Variants in SMCO2 observed in about 807,000 individuals in gnomAD.
The protein encoded by SMCO2 is single-pass membrane protein with coiled-coil domains 2, also known as single-pass membrane and coiled-coil domain-containing protein 2.
In SMCO2, 25 loss-of-function variants were observed where a neutral mutation model predicts 29.5. The observed-to-expected ratio is 0.85, with a 90% CI of 0.62 to 1.18. The LOEUF is 1.18. Ranked by LOEUF, SMCO2 falls within the 50% of genes most tolerant of loss-of-function variation. The pLI, the probability that SMCO2 is intolerant of heterozygous loss-of-function variation, is 0.00. For missense variants in SMCO2, 348 were observed against 344.5 expected (o/e 1.01, Z -0.08); for synonymous variants, 117 against 123.3 (o/e 0.95, Z 0.34).
chr12:27,486,866 C>T (rs1402405727), intron 4 of SMCO2, among the ~76,000 whole-genome samples: 1 of 152,180 alleles, frequency 6.6e-6, no homozygotes, highest in African/African-American at 2.4e-5. Flanking sequence ...ATTAATTCTC[C>T]TCCTTTTTTC....
At chr12:27,460,644 C>T in the SMCO2 span, among the ~76,000 whole-genome samples, 5 of 151,840 alleles carry the variant, frequency 3.3e-5, no homozygotes, top group South Asian at 6.3e-4. Flanking sequence ...AGGTGGAGGA[C>T]GTGGAAGGGA....
chr12:27,470,893 A>G (rs1949535850), intron 2 of SMCO2, 128 bp downstream of exon 2: 2 of 1,099,636 alleles, frequency 1.8e-6, no homozygotes, highest in Non-Finnish European at 2.5e-6. Flanking sequence ...ACTATAATTT[A>G]TCTAATTTTA....
At chr12:27,494,598 C>T (rs917168101) in intron 6 of SMCO2, among the ~76,000 whole-genome samples, 12 of 151,468 alleles carry the variant, frequency 7.9e-5, no homozygotes, top group Admixed American at 6.6e-4. Flanking sequence ...TGGTGGTTTG[C>T]TGCATCCATC....
rs751986196 is a variant in SMCO2 at position 27,489,482 on chromosome 12, AG to A, written c.450+936del. 2.6e-5 allele frequency among the ~76,000 whole-genome samples: 4 copies of A among 152,332 alleles called. No individual in the cohort carries two copies. The East Asian group carries it at 7.7e-4, about 29-fold the overall frequency. ...AAGAAAGGTCCCTGAAAAAGAAAAA[AG>A]TCTGTGTCTAACAACCTCTTTTAAC... On this transcript the variant is annotated intron_variant, in intron 5 of 7. Coordinates refer to ENST00000298876, the Ensembl canonical transcript of SMCO2.
At chr12:27,464,325 G>A (rs1206045643), upstream of SMCO2, among the ~76,000 whole-genome samples, 1 of 152,318 alleles carries the variant, frequency 6.6e-6, no homozygotes, top group South Asian at 2.1e-4. Flanking sequence ...CACAGAGGGA[G>A]CTGGCAGCAT....
chr12:27,446,756 T>C, the SMCO2 span: 1 of 152,180 alleles, frequency 6.6e-6, no homozygotes. Context: ...AAACATTAGC[T>C]GTACCTGAGG....
intron 5 of SMCO2, among the ~76,000 whole-genome samples, chr12:27,489,630 C>T (rs901559773): frequency 5.9e-5 from 9 of 152,278 alleles, no homozygotes; most frequent in Middle Eastern, 6.8e-3. Context: ...GGACCTCTTA[C>T]ATATTAAAAG....
At chr12:27,429,264 A>G in the SMCO2 span, among the ~76,000 whole-genome samples, 1 of 152,134 alleles carries the variant, frequency 6.6e-6, no homozygotes, top group Non-Finnish European at 1.5e-5. Flanking sequence ...GGTGCTAAGA[A>G]GAAAATAAAA....
At chr12:27,481,582 A>G (rs1036613561) in intron 4 of SMCO2, among the ~76,000 whole-genome samples, 4 of 152,190 alleles carry the variant, frequency 2.6e-5, no homozygotes, top group Admixed American at 6.5e-5. Context: ...GATTGGATTC[A>G]CCAGGGAAGC....
chr12:27,497,552 G>C lies in SMCO2; in HGVS notation c.683+1697G>C, dbSNP rs141393706. 306 of 155,780 alleles carry C rather than the reference G, an allele frequency of 2.0e-3. 19 individuals are homozygous for C. The highest frequency in any genetic ancestry group is 7.3e-3 in the African/African-American group (286 of 39,334). The allele number at this position is 155,780 out of a possible 1,614,324, so 9.6% of individuals were successfully genotyped here. ...GCCCCAGGAGTTTGAGACCAGCCTG[G>C]GCAACAAGGTGAAAACTTGTATCTA... On this transcript the variant is annotated intron_variant, in intron 7 of 7. Transcript: ENST00000298876.
exon 2 of SMCO2, chr12:27,470,728 T>G: frequency 6.4e-7 from 1 of 1,551,138 alleles, no homozygotes; most frequent in South Asian, 1.2e-5. Flanking sequence ...CAATGGCTTT[T>G]TCCAAAAGCT....
At chr12:27,455,670 T>G in the SMCO2 span, among the ~76,000 whole-genome samples, 746 of 152,294 alleles carry the variant, frequency 4.9e-3, 6 homozygotes, top group African/African-American at 0.017. Context: ...AACAAGGACA[T>G]TCATTGTAGC....
the SMCO2 span, among the ~76,000 whole-genome samples, chr12:27,436,290 A>G: frequency 1.3e-5 from 2 of 152,214 alleles, no homozygotes. Context: ...CAGTATTAAC[A>G]ACACAAAGGT....
At chr12:27,496,186 A>C (rs771471273) in intron 7 of SMCO2, among the ~76,000 whole-genome samples, 1 of 150,208 alleles carries the variant, frequency 6.7e-6, no homozygotes, top group East Asian at 1.9e-4. Flanking sequence ...GTGGGTGGCT[A>C]TTAATGTTAA....
At chr12:27,445,583 A>G in the SMCO2 span, among the ~76,000 whole-genome samples, 11 of 152,236 alleles carry the variant, frequency 7.2e-5, no homozygotes, top group Non-Finnish European at 1.5e-4. Flanking sequence ...CGTAAACTAT[A>G]TAAGCTCAAT....
At chr12:27,445,071 G>T in the SMCO2 span, among the ~76,000 whole-genome samples, 46 of 152,258 alleles carry the variant, frequency 3.0e-4, no homozygotes, top group East Asian at 7.5e-3. Flanking sequence ...CCATTATGCT[G>T]TGTGAAATAA....
chr12:27,431,309 C>T, the SMCO2 span, among the ~76,000 whole-genome samples: 1 of 152,148 alleles, frequency 6.6e-6, no homozygotes, highest in Non-Finnish European at 1.5e-5. Flanking sequence ...CACCTGGCCT[C>T]AATTTACTAC....
intron 2 of SMCO2, among the ~76,000 whole-genome samples, 192 bp downstream of exon 2, chr12:27,470,957 A>G (rs1244968624): frequency 6.6e-6 from 1 of 152,176 alleles, no homozygotes; most frequent in African/African-American, 2.4e-5. Flanking sequence ...GGGGCCCACC[A>G]TCATAAACTG....
rs1949578518 is a variant in SMCO2 at position 27,475,575 on chromosome 12, T to C, written c.362+662T>C. 7 of 1,519,670 alleles carry C rather than the reference T, an allele frequency of 4.6e-6. No individual in the cohort carries two copies. Among genetic ancestry groups the C allele is most frequent in the Middle Eastern group, 1.7e-4 (1 of 5,854 alleles). The allele number at this position is 1,519,670 out of a possible 1,614,324, so 94.1% of individuals were successfully genotyped here. Reference sequence around the variant, plus strand: ...CTTTGAAAATGATCACCATAATATTTCCGCAGGTGTCTGAAGGGCATGTTC... The same window carrying C: ...CTTTGAAAATGATCACCATAATATTCCCGCAGGTGTCTGAAGGGCATGTTC... On this transcript the variant is annotated intron_variant, in intron 4 of 7. Transcript: ENST00000298876.
Sources: gnomAD v4.1 joint callset for allele counts (sites outside exome capture counted in the v4.1 genomes callset) on GRCh38, gnomAD v4.1.1 for gene constraint, MANE v1.5 for transcripts, NCBI Gene and HGNC (gene_info 2026-07-23, HGNC 2026-07-21) for gene names.